The following NBAS variants were observed in gnomAD, a reference collection of about 807,000 sequenced individuals.
NBAS encodes the protein NBAS subunit of NRZ tethering complex.
NBAS carries 219 observed loss-of-function variants against 302.5 expected under a neutral mutation model. The observed-to-expected ratio is 0.72, with a 90% CI of 0.65 to 0.81. NBAS has a LOEUF of 0.81. Ranked by LOEUF, NBAS falls within the 30% of genes least tolerant of loss-of-function variation. The probability of loss-of-function intolerance (pLI) is 0.00; values close to 1 mark genes in which losing one functional copy is unlikely to be tolerated. For synonymous variants in NBAS, 1,118 were observed against 1,021.6 expected (o/e 1.09, Z -1.80); for missense variants, 2,932 against 2,841.6 (o/e 1.03, Z -0.72).
At chr2:15,043,792 G>A in the NBAS span, among the ~76,000 whole-genome samples, 1 of 152,210 alleles carries the variant, frequency 6.6e-6, no homozygotes, top group African/African-American at 2.4e-5. Flanking sequence ...GCCTCTACCA[G>A]TGAGCCCACC....
At chr2:14,902,674 C>A in the NBAS span, among the ~76,000 whole-genome samples, 1 of 152,138 alleles carries the variant, frequency 6.6e-6, no homozygotes, top group African/African-American at 2.4e-5. Flanking sequence ...AAATTATAAT[C>A]ATCAACACAA....
rs144558725 is a variant in NBAS, at chr2:15,489,997, C to T, written c.955-975G>A. Among the ~76,000 whole-genome samples, 38 of 152,234 alleles carry T rather than the reference C, an allele frequency of 2.5e-4. No homozygotes were observed. In the East Asian group the frequency reaches 6.2e-3, roughly 25 times the overall value. On this transcript the variant is annotated intron_variant, in intron 11 of 51. Transcript: ENST00000281513. ...ATCTGGCAAAACACAGCCCACATCC[C>T]CAGATGACAACAGAACTTGGTAGCA...
At chr2:15,549,385 G>A (rs1259396193) in intron 6 of NBAS, among the ~76,000 whole-genome samples, 1 of 152,146 alleles carries the variant, frequency 6.6e-6, no homozygotes, top group Non-Finnish European at 1.5e-5. Flanking sequence ...AAAATGTTAA[G>A]AGCCTGAACT....
chr2:14,862,201 C>A, the NBAS span, among the ~76,000 whole-genome samples: 1 of 151,606 alleles, frequency 6.6e-6, no homozygotes, highest in African/African-American at 2.4e-5. Flanking sequence ...TGCAGTGGCA[C>A]AGTCTCAGCT....
chr2:15,146,742 C>T, the NBAS span, among the ~76,000 whole-genome samples: 1 of 152,132 alleles, frequency 6.6e-6, no homozygotes, highest in Non-Finnish European at 1.5e-5. Flanking sequence ...ATAGGTCTGG[C>T]CCCTATCCCC....
At chr2:14,957,353 C>T in the NBAS span, among the ~76,000 whole-genome samples, 5,410 of 150,284 alleles carry the variant, frequency 0.036, 290 homozygotes, top group African/African-American at 0.12. Flanking sequence ...GTAATTTTTT[C>T]GTGACAAGGT....
chr2:15,426,280 T>C (rs897923853), intron 22 of NBAS, among the ~76,000 whole-genome samples: 1 of 152,170 alleles, frequency 6.6e-6, no homozygotes, highest in African/African-American at 2.4e-5. Context: ...TTACATAACA[T>C]GCCTTTCTCT....
chr2:15,005,736 A>G, the NBAS span, among the ~76,000 whole-genome samples: 2 of 152,262 alleles, frequency 1.3e-5, no homozygotes, highest in Non-Finnish European at 2.9e-5. Context: ...AGCCTCAGCA[A>G]GAGTTGAGAA....
the NBAS span, among the ~76,000 whole-genome samples, chr2:14,862,135 T>C: frequency 7.1e-6 from 1 of 141,116 alleles, no homozygotes; most frequent in African/African-American, 3.2e-5. Flanking sequence ...GCCAGATTTA[T>C]TTAAGCATTT....
At chr2:15,375,563 T>G (rs1024386016) in intron 30 of NBAS, among the ~76,000 whole-genome samples, 49 of 152,334 alleles carry the variant, frequency 3.2e-4, no homozygotes, top group East Asian at 1.4e-3. Context: ...AAATCAGTTG[T>G]GCACTCACAT....
At chr2:15,393,821 T>C in intron 28 of NBAS, 1 of 434,284 alleles carries the variant, frequency 2.3e-6, no homozygotes, top group Non-Finnish European at 4.7e-6. Context: ...ACAAAATAAT[T>C]ATACTGAGTG....
intron 16 of NBAS, among the ~76,000 whole-genome samples, chr2:15,469,848 GA>G (rs1679882753): frequency 8.7e-6 from 1 of 115,468 alleles, no homozygotes; most frequent in Non-Finnish European, 1.8e-5. Flanking sequence ...GGGGTGGGGG[GA>G]GGGGGGAGGG....
At chr2:14,811,956 T>C in the NBAS span, among the ~76,000 whole-genome samples, 22 of 152,172 alleles carry the variant, frequency 1.4e-4, no homozygotes, top group African/African-American at 5.3e-4. Context: ...AGTTACTCAA[T>C]AGGAAATCAG....
Position 15,287,209 on chromosome 2 carries a change from G to T in NBAS, c.5028-26C>A, listed in dbSNP as rs374022548. On this transcript the variant is annotated intron_variant, in intron 41 of 51. Coordinates refer to ENST00000281513, the MANE Select transcript of NBAS (RefSeq NM_015909.4). ...CTGCAGAAATGTCCATCAAGCCCAG[G>T]AAGGGAGAGAGGAGAAACACATGAC... The T allele has an allele frequency of 2.4e-5, 38 of 1,576,650 alleles. No individual in the cohort carries two copies. In the African/African-American group the frequency reaches 5.0e-4, roughly 21 times the overall value.
chr2:14,882,059 C>A, the NBAS span, among the ~76,000 whole-genome samples: 20 of 152,238 alleles, frequency 1.3e-4, no homozygotes, highest in East Asian at 3.9e-3. Flanking sequence ...ATAATAATTT[C>A]ATGGATTATT....
At chr2:15,320,317 A>C (rs1046785663) in intron 38 of NBAS, among the ~76,000 whole-genome samples, 9 of 152,206 alleles carry the variant, frequency 5.9e-5, no homozygotes, top group African/African-American at 1.9e-4. Flanking sequence ...AACTGGAAGC[A>C]TTCCCTTTCA....
At chr2:15,460,357 A>G (rs1022980696) in intron 21 of NBAS, among the ~76,000 whole-genome samples, 1 of 152,236 alleles carries the variant, frequency 6.6e-6, no homozygotes, top group Non-Finnish European at 1.5e-5. Flanking sequence ...AATGCAGAAA[A>G]GATAAATCAT....
rs966434055 is a variant in NBAS at position 15,281,544 on chromosome 2, AT to A, written c.5139-4444del. 8.2e-4 allele frequency among the ~76,000 whole-genome samples: 124 copies of A among 151,964 alleles called. 2 individuals carry two copies. Among genetic ancestry groups the A allele is most frequent in the Middle Eastern group, 3.4e-3 (1 of 294 alleles). On this transcript the variant is annotated intron_variant, in intron 42 of 51. Transcript: ENST00000281513. ...CCCAGAATTAATAATAATAGCTACT[AT>A]TTTTTTTAACACCTAATACATATCA...
chr2:15,539,013 G>A (rs764357447), intron 7 of NBAS, among the ~76,000 whole-genome samples: 48 of 152,058 alleles, frequency 3.2e-4, no homozygotes, highest in African/African-American at 6.3e-4. Flanking sequence ...TTACTACCAC[G>A]TGGTTTACAT....
Sources: gnomAD v4.1 joint callset for allele counts (sites outside exome capture counted in the v4.1 genomes callset) on GRCh38, gnomAD v4.1.1 for gene constraint, MANE v1.5 for transcripts, NCBI Gene and HGNC (gene_info 2026-07-23, HGNC 2026-07-21) for gene names.